Variants in CDH13 observed in about 807,000 individuals in gnomAD.
CDH13 encodes the protein cadherin 13, also known as cadherin-13.
CDH13 carries 24 observed loss-of-function variants against 63.8 expected under a neutral mutation model. That is an observed-to-expected ratio of 0.38 (90% CI 0.27 to 0.53). The LOEUF is 0.53. Ranked by LOEUF, CDH13 falls within the 20% of genes least tolerant of loss-of-function variation. The probability of loss-of-function intolerance (pLI) is 0.85; values close to 1 mark genes in which losing one functional copy is unlikely to be tolerated. For missense variants in CDH13, 1,049 were observed against 903.1 expected (o/e 1.16, Z -2.07); for synonymous variants, 503 against 355.3 (o/e 1.42, Z -4.67).
chr16:82,791,071 A>G (rs1000163805), intron 1 of CDH13, among the ~76,000 whole-genome samples: 1 of 152,130 alleles, frequency 6.6e-6, no homozygotes, highest in Non-Finnish European at 1.5e-5. Flanking sequence ...TTCCGTCTTT[A>G]CTAAAAATAC....
At chr16:82,865,146 C>A (rs187567829) in intron 2 of CDH13, among the ~76,000 whole-genome samples, 12 of 152,326 alleles carry the variant, frequency 7.9e-5, no homozygotes, top group Non-Finnish European at 1.6e-4. Context: ...GCCCCACTCC[C>A]AGCTGCTTTC....
chr16:82,697,578 G>T (rs922247612), intron 1 of CDH13, among the ~76,000 whole-genome samples: 2 of 151,592 alleles, frequency 1.3e-5, no homozygotes, highest in Admixed American at 6.6e-5. Flanking sequence ...ACAGGTGCCC[G>T]CCACTATGCC....
intron 5 of CDH13, among the ~76,000 whole-genome samples, chr16:83,326,425 C>CTTT (rs1241180598): frequency 3.9e-5 from 5 of 126,638 alleles, no homozygotes; most frequent in African/African-American, 1.4e-4. Flanking sequence ...ACACTTGGTG[C>CTTT]TTTTTTTTTT....
In CDH13 at chr16:83,352,325, C is replaced by CAGAGGAA. The variant is rs1567611233; in HGVS notation, c.781+7319_781+7320insAGAGGAA. On this transcript the variant is annotated intron_variant, in intron 6 of 13. Coordinates refer to ENST00000567109, the MANE Select transcript of CDH13 (RefSeq NM_001257.5). Reference sequence around the variant, plus strand: ...GAACTTCACTAGCTATTGACTCCACCTAGTCGTTCAAGAGGAAAGCGAATG... The same window carrying CAGAGGAA: ...GAACTTCACTAGCTATTGACTCCACCAGAGGAATAGTCGTTCAAGAGGAAAGCGAATG... Among the ~76,000 whole-genome samples, 78 of 152,286 alleles carry CAGAGGAA rather than the reference C, an allele frequency of 5.1e-4. 2 individuals are homozygous for CAGAGGAA. Among genetic ancestry groups the CAGAGGAA allele is most frequent in the African/African-American group, 1.7e-3 (71 of 41,566 alleles).
At chr16:83,008,037 G>T (rs1913728035) in intron 2 of CDH13, among the ~76,000 whole-genome samples, 1 of 152,084 alleles carries the variant, frequency 6.6e-6, no homozygotes, top group African/African-American at 2.4e-5. Context: ...GCTAAGAGAA[G>T]ACACGGAAAT....
At chr16:83,426,397 A>T (rs541100519) in intron 6 of CDH13, among the ~76,000 whole-genome samples, 1 of 152,076 alleles carries the variant, frequency 6.6e-6, no homozygotes, top group African/African-American at 2.4e-5. Flanking sequence ...AGTCCTTGCT[A>T]ATATGCCAAC....
chr16:83,550,908 C>T (rs1171788402), intron 7 of CDH13, among the ~76,000 whole-genome samples: 1 of 152,120 alleles, frequency 6.6e-6, no homozygotes. Flanking sequence ...CTCTCTTCCC[C>T]ACCAAGCTCT....
chr16:82,628,318 AG>A (rs1907605031), intron 1 of CDH13, among the ~76,000 whole-genome samples: 2 of 152,118 alleles, frequency 1.3e-5, no homozygotes, highest in Admixed American at 6.5e-5. Flanking sequence ...TCAGGGTGCT[AG>A]GAATGAGTGT....
intron 6 of CDH13, among the ~76,000 whole-genome samples, chr16:83,365,321 G>C (rs1029514377): frequency 2.0e-5 from 3 of 152,210 alleles, no homozygotes; most frequent in African/African-American, 7.2e-5. Flanking sequence ...TTTTGGTTCT[G>C]TTCAGACCCG....
intron 5 of CDH13, among the ~76,000 whole-genome samples, chr16:83,221,689 G>A (rs957567149): frequency 6.6e-6 from 1 of 151,970 alleles, no homozygotes; most frequent in Admixed American, 6.6e-5. Context: ...GGCTCTGCAG[G>A]AGGTGCAGGG....
At chr16:83,736,962 C>G (rs748880332) in intron 10 of CDH13, among the ~76,000 whole-genome samples, 18 of 152,126 alleles carry the variant, frequency 1.2e-4, no homozygotes, top group Non-Finnish European at 2.1e-4. Context: ...TAGCTGGTGC[C>G]CAGGAAATGT....
At chr16:83,239,772 C>A (rs1356849797) in intron 5 of CDH13, among the ~76,000 whole-genome samples, 1 of 152,116 alleles carries the variant, frequency 6.6e-6, no homozygotes, top group Non-Finnish European at 1.5e-5. Flanking sequence ...ACCAGAGTTT[C>A]CACCCTCAGG....
chr16:83,748,547 C>G (rs1912802434), intron 11 of CDH13, among the ~76,000 whole-genome samples: 1 of 152,156 alleles, frequency 6.6e-6, no homozygotes, highest in Non-Finnish European at 1.5e-5. Flanking sequence ...TGTGCTTTGT[C>G]TTGGTGTCAT....
rs138045830 is a variant in CDH13, at chr16:82,886,120, G to A, written c.157+27647G>A. On this transcript the variant is annotated intron_variant, in intron 2 of 13. Transcript: ENST00000567109. ...TCTGTTTCATCAGCTCATTTTAAAG[G>A]TTTCTTTAATAGCTGAAAAATATTC... 3.6e-3 allele frequency among the ~76,000 whole-genome samples: 549 copies of A among 152,104 alleles called. 7 individuals carry two copies. The highest frequency in any genetic ancestry group is 0.012 in the African/African-American group (494 of 41,494).
chr16:83,750,136 A>C (rs2150974421), intron 11 of CDH13, among the ~76,000 whole-genome samples: 1 of 152,236 alleles, frequency 6.6e-6, no homozygotes, highest in East Asian at 1.9e-4. Context: ...TCTCTACTAA[A>C]GATACAAAAA....
intron 7 of CDH13, among the ~76,000 whole-genome samples, chr16:83,500,766 G>C (rs2074267002): frequency 1.3e-5 from 2 of 151,076 alleles, no homozygotes; most frequent in South Asian, 4.2e-4. Flanking sequence ...TTTTTGTGGA[G>C]ACGGGGTTTC....
intron 6 of CDH13, among the ~76,000 whole-genome samples, chr16:83,350,951 C>G (rs1377508021): frequency 6.6e-6 from 1 of 152,182 alleles, no homozygotes; most frequent in Non-Finnish European, 1.5e-5. Flanking sequence ...GCCTTTGGGA[C>G]TAATGGCTAT....
chr16:83,426,552 G>A (rs990797791), intron 6 of CDH13, among the ~76,000 whole-genome samples: 2 of 133,118 alleles, frequency 1.5e-5, no homozygotes, highest in East Asian at 4.0e-4. Flanking sequence ...CACTCATGTG[G>A]TTACCTTTTT....
chr16:82,689,982 TAAAAAAAAAAAAAAAAAAAA>T (rs71146085), intron 1 of CDH13, among the ~76,000 whole-genome samples: 5 of 15,772 alleles, frequency 3.2e-4, no homozygotes, highest in East Asian at 2.2e-3. Flanking sequence ...CCATCTCTAC[TAAAAAAAAAAAAAAAAAAAA>T]AAAAAAAAAA....
Sources: allele counts gnomAD v4.1 joint callset (sites outside exome capture counted in the v4.1 genomes callset), GRCh38; gene constraint gnomAD v4.1.1; transcripts MANE v1.5; gene names NCBI Gene and HGNC (gene_info 2026-07-23, HGNC 2026-07-21).